The following PHACTR4 variants were observed in gnomAD, a reference collection of about 807,000 sequenced individuals.
The protein encoded by PHACTR4 is protein phosphatase 1, regulatory subunit 124.
A neutral mutation model predicts 72.7 loss-of-function variants in PHACTR4; 51 were observed. The observed-to-expected ratio is 0.70, with a 90% confidence interval of 0.56 to 0.89. PHACTR4 has a LOEUF of 0.89. Among genes scored for constraint, PHACTR4 ranks in the 40% least tolerant of loss-of-function variants. The pLI, the probability that PHACTR4 is intolerant of heterozygous loss-of-function variation, is 0.00. For missense variants in PHACTR4, 731 were observed against 861.8 expected (o/e 0.85, Z 1.90); for synonymous variants, 255 against 302.5 (o/e 0.84, Z 1.63).
chr1:28,409,951 A>ATTTTTTTTTTTTTTTTT (rs57186471), intron 2 of PHACTR4, among the ~76,000 whole-genome samples: 2 of 66,362 alleles, frequency 3.0e-5, no homozygotes, highest in African/African-American at 1.3e-4. Flanking sequence ...TTCTTCATAA[A>ATTTTTTTTTTTTTTTTT]TTTTTTTTTT....
In PHACTR4 at chr1:28,432,308, G is replaced by A. The variant is rs1434854360; in HGVS notation, c.16+24845G>A. ...AAAACAAGGAAGGCTTAGGTCGGGT[G>A]CAGTGGCTCATGCCTATAATCCCAG... On this transcript the variant is annotated intron_variant, in intron 2 of 13. Coordinates refer to ENST00000373839, the MANE Select transcript of PHACTR4 (RefSeq NM_001048183.3). Among the ~76,000 whole-genome samples the A allele has an allele frequency of 2.6e-5, 4 of 150,960 alleles. No homozygotes were observed. In the East Asian group the frequency reaches 7.9e-4, roughly 30 times the overall value.
chr1:28,482,224 T>A (rs1475224453), intron 9 of PHACTR4, among the ~76,000 whole-genome samples: 1 of 152,120 alleles, frequency 6.6e-6, no homozygotes, highest in Non-Finnish European at 1.5e-5. Context: ...AACCATGAGA[T>A]AGACATATGG....
Position 28,490,768 on chromosome 1 carries a change from G to A in PHACTR4, c.1817-183G>A, listed in dbSNP as rs1322801184. ...TGAGACAGGAGAATCGCTTGAACTCGGGAGGCCGAGGTTGCAGTGAGCCAA... is the reference window on the plus strand; with the variant it reads ...TGAGACAGGAGAATCGCTTGAACTCAGGAGGCCGAGGTTGCAGTGAGCCAA... On this transcript the variant is annotated intron_variant, in intron 10 of 13. Coordinates refer to ENST00000373839, the MANE Select transcript of PHACTR4 (RefSeq NM_001048183.3). Among the ~76,000 whole-genome samples, 9 of 151,718 alleles carry A rather than the reference G, an allele frequency of 5.9e-5. No individual in the cohort carries two copies. The South Asian group carries it at 8.3e-4, about 14-fold the overall frequency.
intron 6 of PHACTR4, among the ~76,000 whole-genome samples, chr1:28,472,627 CAG>C (rs1432868870): frequency 6.8e-6 from 1 of 147,104 alleles, no homozygotes; most frequent in Non-Finnish European, 1.5e-5. Context: ...TTTTTTGAGT[CAG>C]AGTCTTGTGC....
chr1:28,486,233 G>A (rs139906368), intron 9 of PHACTR4, among the ~76,000 whole-genome samples: 14,463 of 151,984 alleles, frequency 0.095, 1,534 homozygotes, highest in African/African-American at 0.26. Context: ...GCACATGCCT[G>A]TAATCCCAGC....
rs759967325 is a variant in PHACTR4, at chr1:28,474,135, A to G, written c.1405A>G (p.Ile469Val). ...LGRTRSLPIT[I>V]EMLKVPDDEE... is the part of the protein sequence containing the mutation. The stretch of plus-strand genomic sequence containing the variant: ...TCGGACCAGGTCTCTTCCCATCACT[A>G]TTGAAATGCTAAAAGTGTAAGTGCC... Residue 469 changes from isoleucine (I) to valine (V), a missense_variant, in exon 7 of 14, where the codon ATT becomes GTT. Coordinates refer to ENST00000373839, the MANE Select transcript of PHACTR4 (RefSeq NM_001048183.3). 3 of 1,611,288 alleles carry G rather than the reference A, an allele frequency of 1.9e-6. No individual in the cohort carries two copies. Among genetic ancestry groups the G allele is most frequent in the Non-Finnish European group, 2.5e-6 (3 of 1,178,450 alleles).
intron 1 of PHACTR4, among the ~76,000 whole-genome samples, chr1:28,376,028 C>T (rs1176507116): frequency 2.0e-5 from 3 of 151,978 alleles, no homozygotes; most frequent in African/African-American, 7.3e-5. Context: ...GAGATCACAC[C>T]ATTGCACTCC....
intron 2 of PHACTR4, among the ~76,000 whole-genome samples, chr1:28,448,589 TAAAAAA>T (rs747826049): frequency 1.0e-5 from 1 of 95,824 alleles, no homozygotes; most frequent in African/African-American, 4.5e-5. Flanking sequence ...CATCTCTACT[TAAAAAA>T]AAAAAAAAAA....
At chr1:28,380,442 A>G (rs1185682722) in intron 1 of PHACTR4, among the ~76,000 whole-genome samples, 1 of 152,048 alleles carries the variant, frequency 6.6e-6, no homozygotes, top group African/African-American at 2.4e-5. Context: ...TGTGTATATT[A>G]TTTTGTCACT....
chr1:28,429,468 G>C (rs557485879), intron 2 of PHACTR4, among the ~76,000 whole-genome samples: 22 of 152,280 alleles, frequency 1.4e-4, no homozygotes, highest in Admixed American at 1.2e-3. Flanking sequence ...CGTGAGAAAA[G>C]TTCCACTGTT....
At chr1:28,396,893 G>A (rs1240440138) in intron 1 of PHACTR4, among the ~76,000 whole-genome samples, 4 of 137,504 alleles carry the variant, frequency 2.9e-5, no homozygotes, top group Non-Finnish European at 3.0e-5. Flanking sequence ...GGGTTTCACC[G>A]TGTTGGCCAG....
intron 2 of PHACTR4, among the ~76,000 whole-genome samples, chr1:28,455,198 C>CTTTCTTTTTTTTTTTTTTTTT (rs1250815977): frequency 1.2e-5 from 1 of 85,974 alleles, no homozygotes; most frequent in Non-Finnish European, 2.1e-5. Context: ...TTCTTTCTTT[C>CTTTCTTTTTTTTTTTTTTTTT]TTTTTTTTTT....
intron 1 of PHACTR4, among the ~76,000 whole-genome samples, chr1:28,386,259 A>G (rs758154174): frequency 6.6e-6 from 1 of 151,478 alleles, no homozygotes; most frequent in Non-Finnish European, 1.5e-5. Flanking sequence ...AATCTTAGCA[A>G]ATTTTTGGAC....
intron 2 of PHACTR4, among the ~76,000 whole-genome samples, chr1:28,434,014 A>G (rs67198337): frequency 0.39 from 58,563 of 150,908 alleles, 12,986 homozygotes; most frequent in African/African-American, 0.6. Context: ...TCCTAATCTC[A>G]TGATCCGCCC....
intron 1 of PHACTR4, among the ~76,000 whole-genome samples, chr1:28,391,966 C>G (rs922902530): frequency 1.3e-5 from 2 of 152,028 alleles, no homozygotes; most frequent in African/African-American, 4.8e-5. Context: ...GTTCTCACCA[C>G]AAAGAAACGT....
Position 28,496,713 on chromosome 1 carries a change from T to G in PHACTR4, c.*164T>G, listed in dbSNP as rs746485130. The G allele has an allele frequency of 3.4e-5, 27 of 782,622 alleles. No homozygotes were observed. The highest frequency in any genetic ancestry group is 5.6e-5 in the Non-Finnish European group (26 of 463,388). 48.5% of individuals were successfully genotyped at this position (782,622 alleles called of 1,614,324 possible). ...AATGTAGCATTTCACTGGAACAGAGTCTTATGTGCTGCACCGGGGGCAAAA... is the reference window on the plus strand; with the variant it reads ...AATGTAGCATTTCACTGGAACAGAGGCTTATGTGCTGCACCGGGGGCAAAA... On this transcript the variant is annotated 3_prime_UTR_variant, in exon 14 of 14. Coordinates refer to ENST00000373839, the MANE Select transcript of PHACTR4 (RefSeq NM_001048183.3).
At chr1:28,460,429 T>G in intron 4 of PHACTR4, 137 bp downstream of exon 4, 1 of 594,372 alleles carries the variant, frequency 1.7e-6, no homozygotes, top group Non-Finnish European at 3.0e-6. Flanking sequence ...AAAAAAAAAG[T>G]TCACCCTTCC....
intron 7 of PHACTR4, among the ~76,000 whole-genome samples, chr1:28,475,881 C>T (rs1447656778): frequency 6.6e-6 from 1 of 151,938 alleles, no homozygotes; most frequent in Non-Finnish European, 1.5e-5. Flanking sequence ...CACCTGCCAC[C>T]ATGCCAGGCT....
chr1:28,488,867 C>T (rs902649811), intron 9 of PHACTR4, among the ~76,000 whole-genome samples: 3 of 152,150 alleles, frequency 2.0e-5, no homozygotes, highest in Admixed American at 6.6e-5. Context: ...CTTCGCTTCA[C>T]GGATGAGGAC....
Sources: gnomAD v4.1 joint callset for allele counts (sites outside exome capture counted in the v4.1 genomes callset) on GRCh38, gnomAD v4.1.1 for gene constraint, MANE v1.5 for transcripts, NCBI Gene and HGNC (gene_info 2026-07-23, HGNC 2026-07-21) for gene names.